PET117: variants seen among roughly 807,000 people sequenced by gnomAD.
PET117 encodes the protein PET117 cytochrome c oxidase chaperone.
Under a neutral mutation model 9.2 loss-of-function variants are expected in PET117, and 10 were observed. The observed-to-expected ratio is 1.09, with a 90% confidence interval of 0.67 to 1.85. PET117 has a LOEUF of 1.85. Among genes scored for constraint, PET117 ranks in the 40% most tolerant of loss-of-function variants. The probability of loss-of-function intolerance (pLI) is 0.00; values close to 1 mark genes in which losing one functional copy is unlikely to be tolerated. For missense variants in PET117, 96 were observed against 98.2 expected (o/e 0.98, Z 0.09); for synonymous variants, 43 against 37.1 (o/e 1.16, Z -0.57).
In PET117 at chr20:18,142,360, T is replaced by C; in HGVS notation, c.*3T>C. 2 of 1,535,748 alleles carry C rather than the reference T, an allele frequency of 1.3e-6. No individual in the cohort carries two copies. Among genetic ancestry groups the C allele is most frequent in the Non-Finnish European group, 1.7e-6 (2 of 1,145,828 alleles). On this transcript the variant is annotated 3_prime_UTR_variant, in exon 2 of 2. Transcript: ENST00000432901. ...CAAAAGGATCTCAAAAATCATGACT[T>C]GAATGTGAAATATCTGTTGGACAGA...
chr20:18,138,432 T>C, intron 1 of PET117: 1 of 1,002,870 alleles, frequency 1.0e-6, no homozygotes, highest in South Asian at 4.7e-5. Flanking sequence ...CTTGGGCCGC[T>C]AGAAAATAGA....
In PET117 at chr20:18,142,538, G is replaced by A; in HGVS notation, c.*181G>A. 1 of 1,499,548 alleles carries A rather than the reference G, an allele frequency of 6.7e-7. No individual in the cohort carries two copies. The highest frequency in any genetic ancestry group is 2.4e-5 in the East Asian group (1 of 41,590). 92.9% of individuals were successfully genotyped at this position (1,499,548 alleles called of 1,614,324 possible). A position where few individuals can be genotyped will look rare whatever the true frequency, so the allele number is the denominator to read the frequency against. ...GGGTCCCTTATATCTGAATAAAGGA[G>A]TGTGGGCAGACACTTTTTGGAAGAG... On this transcript the variant is annotated 3_prime_UTR_variant, in exon 2 of 2. Coordinates refer to ENST00000432901, the MANE Select transcript of PET117 (RefSeq NM_001164811.2).
chr20:18,137,897 G>A lies in PET117; in HGVS notation c.-59G>A. 3 of 1,437,994 alleles carry A rather than the reference G, an allele frequency of 2.1e-6. No homozygotes were observed. Among genetic ancestry groups the A allele is most frequent in the Non-Finnish European group, 1.8e-6 (2 of 1,099,728 alleles). The allele number at this position is 1,437,994 out of a possible 1,614,324, so 89.1% of individuals were successfully genotyped here. On this transcript the variant is annotated 5_prime_UTR_variant, in exon 1 of 2. Transcript: ENST00000432901. The stretch of plus-strand genomic sequence containing the variant: ...CAGTACAGGCGGCGGTGCGCACTCT[G>A]CGGCGGCCTCTGCGCCTCGGGCGGG...
chr20:18,138,917 C>T (rs1044740936), intron 1 of PET117, among the ~76,000 whole-genome samples: 38 of 152,332 alleles, frequency 2.5e-4, no homozygotes, highest in African/African-American at 8.4e-4. Flanking sequence ...TTGCTGAGAA[C>T]AGGGTCATTG....
At position 18,143,058 on chromosome 20, in the gene PET117, A is replaced by G; in HGVS notation, c.*701A>G. ...TTATTCTCTAGTTGATCAGCTATAA[A>G]TTTATATAAAACATAGGCATGTTTG... On this transcript the variant is annotated 3_prime_UTR_variant, in exon 2 of 2. Coordinates refer to ENST00000432901, the MANE Select transcript of PET117 (RefSeq NM_001164811.2). 7.0e-7 allele frequency: 1 copy of G among 1,431,694 alleles called. No homozygotes were observed. Among genetic ancestry groups the G allele is most frequent in the Non-Finnish European group, 9.1e-7 (1 of 1,093,634 alleles). The allele number at this position is 1,431,694 out of a possible 1,614,324, so 88.7% of individuals were successfully genotyped here. A position where few individuals can be genotyped will look rare whatever the true frequency, so the allele number is the denominator to read the frequency against.
At position 18,142,784 on chromosome 20, in the gene PET117, T is replaced by C; in HGVS notation, c.*427T>C. 6.2e-7 allele frequency: 1 copy of C among 1,614,134 alleles called. No individual in the cohort carries two copies. Among genetic ancestry groups the C allele is most frequent in the Non-Finnish European group, 8.5e-7 (1 of 1,180,036 alleles). On this transcript the variant is annotated 3_prime_UTR_variant, in exon 2 of 2. Transcript: ENST00000432901. ...GGGAGAGACGCTCCTGATCGTCGAA[T>C]CCGAGGATCAGGCATCAGTGGACTT...
intron 1 of PET117, 122 bp downstream of exon 1, chr20:18,138,173 G>T: frequency 7.7e-7 from 1 of 1,299,704 alleles, no homozygotes; most frequent in East Asian, 3.2e-5. Context: ...CGGTGGCGCG[G>T]CCCTGCACCC....
At position 18,143,101 on chromosome 20, in the gene PET117, G is replaced by A. The variant is rs2037652557; in HGVS notation, c.*744G>A. ...CATGTTTGTACTAATGAAACGTACT[G>A]TCAACCTCTATCACATTGTTAAATT... is the stretch of plus-strand genomic sequence containing the variant. On this transcript the variant is annotated 3_prime_UTR_variant, in exon 2 of 2. Transcript: ENST00000432901. 1.4e-6 allele frequency: 2 copies of A among 1,385,670 alleles called. No individual in the cohort carries two copies. Among genetic ancestry groups the A allele is most frequent in the Non-Finnish European group, 1.9e-6 (2 of 1,067,778 alleles). 85.8% of individuals were successfully genotyped at this position (1,385,670 alleles called of 1,614,324 possible).
At chr20:18,138,198 TGCGGCCG>T in intron 1 of PET117, 147 bp downstream of exon 1, 13 of 1,264,994 alleles carry the variant, frequency 1.0e-5, no homozygotes, top group Non-Finnish European at 1.3e-5. Context: ...CGTTTGCGGC[TGCGGCCG>T]GCGGCCGCTC....
intron 1 of PET117, among the ~76,000 whole-genome samples, chr20:18,139,421 C>T (rs535664137): frequency 1.2e-4 from 18 of 152,306 alleles, no homozygotes; most frequent in African/African-American, 4.1e-4. Context: ...TGGACCCTAA[C>T]TGAACATCAA....
chr20:18,141,064 A>G, intron 1 of PET117, among the ~76,000 whole-genome samples: 2 of 85,708 alleles, frequency 2.3e-5, no homozygotes, highest in African/African-American at 4.6e-5. Flanking sequence ...TTTTTGCTAG[A>G]GATGGGATTT....
At chr20:18,140,838 C>CAAAAAAAAAAAAAAAAAAAAAA in intron 1 of PET117, among the ~76,000 whole-genome samples, 1 of 109,696 alleles carries the variant, frequency 9.1e-6, no homozygotes, top group Admixed American at 9.1e-5. Context: ...AAAAAAAAAC[C>CAAAAAAAAAAAAAAAAAAAAAA]AATAAAACAA....
intron 1 of PET117, among the ~76,000 whole-genome samples, chr20:18,139,079 G>A (rs1392873237): frequency 6.6e-6 from 1 of 152,210 alleles, no homozygotes; most frequent in Non-Finnish European, 1.5e-5. Flanking sequence ...GATATACAGA[G>A]ATGAAGTGGA....
Position 18,141,036 on chromosome 20 carries a change from TTTTTTTTTTTA to T in PET117, c.97-1166_97-1156del, listed in dbSNP as rs1306899594. On this transcript the variant is annotated intron_variant, in intron 1 of 1. Transcript: ENST00000432901. ...CCACTCCCTGCAATTTTTTTTTTTT[TTTTTTTTTTTA>T]TTTTTATTTTTGCTAGAGATGGGAT... Among the ~76,000 whole-genome samples the T allele has an allele frequency of 1.8e-3, 39 of 21,356 alleles. 1 individual carries two copies. The highest frequency in any genetic ancestry group is 4.0e-3 in the African/African-American group (34 of 8,540). The allele number at this position is 21,356 out of a possible 152,430, so 14.0% of individuals were successfully genotyped here.
At chr20:18,141,513 C>G (rs2037578459) in intron 1 of PET117, among the ~76,000 whole-genome samples, 1 of 152,190 alleles carries the variant, frequency 6.6e-6, no homozygotes, top group Non-Finnish European at 1.5e-5. Context: ...AGGATAAGTG[C>G]TAACAGAAGA....
chr20:18,138,159 C>T (rs1321312183), intron 1 of PET117, 108 bp downstream of exon 1: 2 of 1,337,200 alleles, frequency 1.5e-6, no homozygotes, highest in African/African-American at 1.5e-5. Context: ...GTGTCTTTCC[C>T]CCGCGGTGGC....
chr20:18,143,010 C>T lies in PET117; in HGVS notation c.*653C>T, dbSNP rs1480132417. 4 of 1,498,974 alleles carry T rather than the reference C, an allele frequency of 2.7e-6. No homozygotes were observed. Among genetic ancestry groups the T allele is most frequent in the East Asian group, 4.8e-5 (2 of 41,264 alleles). 92.9% of individuals were successfully genotyped at this position (1,498,974 alleles called of 1,614,324 possible). A position where few individuals can be genotyped will look rare whatever the true frequency, so the allele number is the denominator to read the frequency against. On this transcript the variant is annotated 3_prime_UTR_variant, in exon 2 of 2. Transcript: ENST00000432901. ...GAAAGAAACGTGAATGTAAAAGAGA[C>T]CTAAATAAAAGGATAATTATATTTA...
chr20:18,141,023 A>ATTTTTTTTTTTTTTT (rs67633205), intron 1 of PET117, among the ~76,000 whole-genome samples: 4 of 48,750 alleles, frequency 8.2e-5, no homozygotes, highest in African/African-American at 1.1e-4. Flanking sequence ...ACTCCCTGCA[A>ATTTTTTTTTTTTTTT]TTTTTTTTTT....
At position 18,137,884 on chromosome 20, in the gene PET117, C is replaced by A. The variant is rs1453831105; in HGVS notation, c.-72C>A. ...GGTCGAGCCTGGGCAGTACAGGCGG[C>A]GGTGCGCACTCTGCGGCGGCCTCTG... On this transcript the variant is annotated 5_prime_UTR_variant, in exon 1 of 2. Transcript: ENST00000432901. The A allele has an allele frequency of 1.4e-6, 2 of 1,392,676 alleles. No individual in the cohort carries two copies. Among genetic ancestry groups the A allele is most frequent in the African/African-American group, 1.5e-5 (1 of 65,794 alleles). 86.3% of individuals were successfully genotyped at this position (1,392,676 alleles called of 1,614,324 possible).
Sources: allele counts gnomAD v4.1 joint callset (sites outside exome capture counted in the v4.1 genomes callset), GRCh38; gene constraint gnomAD v4.1.1; transcripts MANE v1.5; gene names NCBI Gene and HGNC (gene_info 2026-07-23, HGNC 2026-07-21).